Variants in RNF150 observed in about 807,000 individuals in gnomAD.
RNF150 encodes the protein ring finger protein 150.
Under a neutral mutation model 39.3 loss-of-function variants are expected in RNF150, and 24 were observed. The ratio of observed to expected loss-of-function variants is 0.61; its 90% CI spans 0.44 to 0.86. The LOEUF is 0.86. Among genes scored for constraint, RNF150 ranks in the 40% least tolerant of loss-of-function variants. RNF150 has a pLI of 0.00. For missense variants in RNF150, 502 were observed against 587.8 expected (o/e 0.85, Z 1.51); for synonymous variants, 255 against 227.3 (o/e 1.12, Z -1.10).
chr4:141,089,018 G>T (rs561212396), intron 1 of RNF150, among the ~76,000 whole-genome samples: 1 of 152,112 alleles, frequency 6.6e-6, no homozygotes, highest in Non-Finnish European at 1.5e-5. Flanking sequence ...TTTTCTTGCC[G>T]ACCTAACCTC....
intron 5 of RNF150, among the ~76,000 whole-genome samples, chr4:140,923,633 A>T (rs1731254781): frequency 6.6e-6 from 1 of 152,378 alleles, no homozygotes; most frequent in African/African-American, 2.4e-5. Flanking sequence ...ATATACCCTA[A>T]GGATTATAAA....
intron 5 of RNF150, among the ~76,000 whole-genome samples, chr4:140,916,235 T>C (rs1454519852): frequency 6.6e-6 from 1 of 152,028 alleles, no homozygotes; most frequent in African/African-American, 2.4e-5. Context: ...CTTCAGAAGA[T>C]CAAACTACTC....
At chr4:140,962,558 C>T (rs545701700) in intron 2 of RNF150, among the ~76,000 whole-genome samples, 39 of 151,904 alleles carry the variant, frequency 2.6e-4, no homozygotes, top group African/African-American at 9.4e-4. Flanking sequence ...CATATTAGTT[C>T]TACATCTCAT....
At chr4:141,155,103 T>C (rs1470281728) in intron 1 of RNF150, among the ~76,000 whole-genome samples, 1 of 152,078 alleles carries the variant, frequency 6.6e-6, no homozygotes, top group Non-Finnish European at 1.5e-5. Flanking sequence ...TATTTTATTT[T>C]GAGACAGAGT....
intron 1 of RNF150, among the ~76,000 whole-genome samples, chr4:141,094,123 T>C (rs1178669307): frequency 6.6e-6 from 1 of 152,126 alleles, no homozygotes; most frequent in African/African-American, 2.4e-5. Context: ...AAAAAGAGGT[T>C]CAGAGAAATG....
chr4:141,171,697 T>A (rs1464307310), intron 1 of RNF150, among the ~76,000 whole-genome samples: 1 of 152,226 alleles, frequency 6.6e-6, no homozygotes, highest in African/African-American at 2.4e-5. Flanking sequence ...ACAATTTGTA[T>A]ATAGATACAT....
chr4:141,022,227 TC>T (rs796509967), intron 1 of RNF150, among the ~76,000 whole-genome samples: 2,189 of 152,024 alleles, frequency 0.014, 22 homozygotes, highest in Non-Finnish European at 0.021. Context: ...TATTTTTTAT[TC>T]TTTTTTCCTG....
At chr4:140,986,477 A>C (rs1734020183) in intron 1 of RNF150, among the ~76,000 whole-genome samples, 2 of 151,996 alleles carry the variant, frequency 1.3e-5, no homozygotes, top group African/African-American at 2.4e-5. Flanking sequence ...TGCAAAGCTC[A>C]CGTTTGAACC....
intron 1 of RNF150, among the ~76,000 whole-genome samples, chr4:141,186,420 G>A (rs1031168740): frequency 6.6e-6 from 1 of 151,898 alleles, no homozygotes; most frequent in African/African-American, 2.4e-5. Context: ...GTTTTTTTGA[G>A]AGGGGGTCTC....
chr4:140,913,246 C>T (rs1043008717), intron 5 of RNF150, among the ~76,000 whole-genome samples: 3 of 152,112 alleles, frequency 2.0e-5, no homozygotes, highest in African/African-American at 7.2e-5. Context: ...GGCGACAGAG[C>T]AAGACTCTGT....
intron 6 of RNF150, among the ~76,000 whole-genome samples, chr4:140,910,413 T>C (rs1304139980): frequency 6.6e-6 from 1 of 152,164 alleles, no homozygotes; most frequent in Non-Finnish European, 1.5e-5. Flanking sequence ...GAATAGTAGG[T>C]ACTTTAGATT....
chr4:140,998,124 G>A (rs150856701), intron 1 of RNF150, among the ~76,000 whole-genome samples: 70 of 152,240 alleles, frequency 4.6e-4, no homozygotes, highest in Middle Eastern at 6.8e-3. Context: ...GTTAGGTAAC[G>A]CAAAATACAG....
At chr4:141,192,774 T>C (rs1728131971) in intron 1 of RNF150, among the ~76,000 whole-genome samples, 1 of 152,218 alleles carries the variant, frequency 6.6e-6, no homozygotes, top group Admixed American at 6.5e-5. Context: ...TTGTGCTCTT[T>C]TATATCTCTG....
chr4:141,049,058 T>C (rs1044065862), intron 1 of RNF150, among the ~76,000 whole-genome samples: 1 of 152,224 alleles, frequency 6.6e-6, no homozygotes, highest in Non-Finnish European at 1.5e-5. Flanking sequence ...TTATGAAATA[T>C]TGTTAATATC....
chr4:141,177,837 TG>T (rs1432103107), intron 1 of RNF150, among the ~76,000 whole-genome samples: 1 of 151,938 alleles, frequency 6.6e-6, no homozygotes, highest in Admixed American at 6.5e-5. Flanking sequence ...AAGGGCTTTT[TG>T]TTTGTTTGTT....
chr4:140,954,572 T>C (rs1579000037), intron 2 of RNF150, among the ~76,000 whole-genome samples: 1 of 152,246 alleles, frequency 6.6e-6, no homozygotes, highest in Non-Finnish European at 1.5e-5. Flanking sequence ...TTTATCCATC[T>C]ATTTGATCTA....
chr4:141,040,723 G>A (rs936699233), intron 1 of RNF150, among the ~76,000 whole-genome samples: 1 of 152,094 alleles, frequency 6.6e-6, no homozygotes, highest in Non-Finnish European at 1.5e-5. Context: ...TCCTACCTAT[G>A]AGCAGGAAAC....
intron 1 of RNF150, among the ~76,000 whole-genome samples, chr4:141,087,369 T>A (rs537186172): frequency 2.2e-4 from 33 of 152,322 alleles, no homozygotes; most frequent in Admixed American, 2.0e-3. Flanking sequence ...GCATTTTCCA[T>A]GTGCATATTT....
intron 5 of RNF150, among the ~76,000 whole-genome samples, chr4:140,924,209 T>A (rs1731290489): frequency 6.6e-6 from 1 of 152,196 alleles, no homozygotes; most frequent in Non-Finnish European, 1.5e-5. Context: ...CCTATCCGAC[T>A]TGTTAGGCAT....
Sources: allele counts gnomAD v4.1 joint callset (sites outside exome capture counted in the v4.1 genomes callset), GRCh38; gene constraint gnomAD v4.1.1; transcripts MANE v1.5; gene names NCBI Gene and HGNC (gene_info 2026-07-23, HGNC 2026-07-21).